ZMIZ2: variants seen among roughly 807,000 people sequenced by gnomAD.
The protein encoded by ZMIZ2 is zinc finger MIZ domain-containing protein 2.
Under a neutral mutation model 93.9 loss-of-function variants are expected in ZMIZ2, and 26 were observed. The ratio of observed to expected loss-of-function variants is 0.28; its 90% CI spans 0.20 to 0.38. The LOEUF is 0.38. Among genes scored for constraint, ZMIZ2 ranks in the 10% least tolerant of loss-of-function variants. The probability of loss-of-function intolerance (pLI) is 1.00; values close to 1 mark genes in which losing one functional copy is unlikely to be tolerated. For synonymous variants in ZMIZ2, 485 were observed against 516.4 expected, an observed-to-expected ratio of 0.94 and a Z score of 0.82; for missense variants, 1,023 against 1,235.0, an observed-to-expected ratio of 0.83 and a Z score of 2.57.
Position 44,751,612 on chromosome 7 carries a change from C to T in ZMIZ2, c.-63+2621C>T, listed in dbSNP as rs112153557. Among the ~76,000 whole-genome samples the T allele has an allele frequency of 2.0e-3, 298 of 152,340 alleles. 2 individuals carry two copies. The highest frequency in any genetic ancestry group is 6.6e-3 in the African/African-American group (275 of 41,582). On this transcript the variant is annotated intron_variant, in intron 1 of 18. Coordinates refer to ENST00000309315, the MANE Select transcript of ZMIZ2 (RefSeq NM_031449.4). ...GGGAAAGATTGTCACAGCAGTTCTG[C>T]GGAGACAGAAGGCTGGTGGTAGCAG... is the stretch of plus-strand genomic sequence containing the variant.
rs1445911781 is a variant in ZMIZ2, at chr7:44,761,979, G to A, written c.1596+74G>A. ...TGGTGGGGCCTGGCCCAGCGGTGCC[G>A]TGGGGTGGGGCGGGGTGTGGGCGGG... On this transcript the variant is annotated intron_variant, in intron 11 of 18. Coordinates refer to ENST00000309315, the MANE Select transcript of ZMIZ2 (RefSeq NM_031449.4). This position sits in a 1 kb window ranked among gnomAD's most constrained non-coding sequence, Gnocchi z 5.8. 12 of 1,404,094 alleles carry A rather than the reference G, an allele frequency of 8.5e-6. No homozygotes were observed. In the East Asian group the frequency reaches 1.1e-4, roughly 12 times the overall value. 87.0% of individuals were successfully genotyped at this position (1,404,094 alleles called of 1,614,324 possible). A position where few individuals can be genotyped will look rare whatever the true frequency, so the allele number is the denominator to read the frequency against.
Position 44,768,285 on chromosome 7 carries a change from G to A in ZMIZ2, c.*662G>A, listed in dbSNP as rs1203725995. The A allele has an allele frequency of 6.5e-6, 1 of 153,392 alleles. No homozygotes were observed. The highest frequency in any genetic ancestry group is 1.9e-4 in the East Asian group (1 of 5,204). The allele number at this position is 153,392 out of a possible 1,614,324, so 9.5% of individuals were successfully genotyped here. On this transcript the variant is annotated 3_prime_UTR_variant, in exon 19 of 19. Transcript: ENST00000309315. Reference sequence around the variant, plus strand: ...TGTAGAAACACTAACAGCTGGGAGAGGGGAGCCAGCTGTCCAGCCAGCATG... The same window carrying A: ...TGTAGAAACACTAACAGCTGGGAGAAGGGAGCCAGCTGTCCAGCCAGCATG...
chr7:44,764,628 C>A, intron 14 of ZMIZ2, 142 bp downstream of exon 14: 3 of 930,920 alleles, frequency 3.2e-6, no homozygotes, highest in Non-Finnish European at 4.9e-6. Context: ...CAGCTCAGCG[C>A]AGAGAGCTCG....
In ZMIZ2 at chr7:44,763,000, GC is replaced by G; in HGVS notation, c.1702+18del. On this transcript the variant is annotated intron_variant, in intron 12 of 18. Coordinates refer to ENST00000309315, the MANE Select transcript of ZMIZ2 (RefSeq NM_031449.4). ...GCATCACCAAGAGTGAGTGGCTCCTGCCCCTCAGCTGCCAGGCAGCCATCCC... is the reference window on the plus strand; with the variant it reads ...GCATCACCAAGAGTGAGTGGCTCCTGCCCTCAGCTGCCAGGCAGCCATCCC... The G allele has an allele frequency of 1.2e-6, 2 of 1,602,154 alleles. No individual in the cohort carries two copies.
intron 1 of ZMIZ2, among the ~76,000 whole-genome samples, chr7:44,755,546 C>A (rs1332324254): frequency 6.6e-6 from 1 of 152,172 alleles, no homozygotes; most frequent in African/African-American, 2.4e-5. Context: ...ACTGGCCCCA[C>A]ACCCCATTTC....
Position 44,765,192 on chromosome 7 carries a change from C to T in ZMIZ2, c.1998-143C>T. On this transcript the variant is annotated intron_variant, in intron 15 of 18. Transcript: ENST00000309315. The surrounding 1 kb of genome is among the most constrained non-coding windows in gnomAD (Gnocchi z 4.1). ...GAGTGTTGGTGCTGGGCCCAGCGTC[C>T]TGCTCGATGTGGAAGGTGCTGGGTG... 1 of 1,494,802 alleles carries T rather than the reference C, an allele frequency of 6.7e-7. No individual in the cohort carries two copies. The allele number at this position is 1,494,802 out of a possible 1,614,324, so 92.6% of individuals were successfully genotyped here.
Position 44,767,656 on chromosome 7 carries a change from G to A in ZMIZ2, c.*33G>A, listed in dbSNP as rs370949323. 2.5e-5 allele frequency: 40 copies of A among 1,570,150 alleles called. No homozygotes were observed. Among genetic ancestry groups the A allele is most frequent in the African/African-American group, 1.5e-4 (11 of 73,992 alleles). ...TTTACCCCAAGCCCGGCGGGGACAC[G>A]CTCACAGATGTCACCACAGCCCTGC... On this transcript the variant is annotated 3_prime_UTR_variant, in exon 19 of 19. Coordinates refer to ENST00000309315, the MANE Select transcript of ZMIZ2 (RefSeq NM_031449.4).
In ZMIZ2 at chr7:44,761,194, G is replaced by A. The variant is rs1791138559; in HGVS notation, c.1241-255G>A. On this transcript the variant is annotated intron_variant, in intron 9 of 18. Transcript: ENST00000309315. The surrounding 1 kb of genome is among the most constrained non-coding windows in gnomAD (Gnocchi z 5.8). The stretch of plus-strand genomic sequence containing the variant: ...CATGTTCCCCTATTATGGTTTAGGG[G>A]ACACTGGGCTGGACTGCTGAGGCAG... 6.6e-6 allele frequency among the ~76,000 whole-genome samples: 1 copy of A among 152,218 alleles called. No homozygotes were observed. The highest frequency in any genetic ancestry group is 1.5e-5 in the Non-Finnish European group (1 of 68,042).
chr7:44,767,110 AAGTT>A (rs984442514), intron 18 of ZMIZ2, among the ~76,000 whole-genome samples: 5 of 152,058 alleles, frequency 3.3e-5, no homozygotes, highest in African/African-American at 9.7e-5. Context: ...CAACATGAAA[AAGTT>A]AGGAAGAACA....
At chr7:44,760,892 A>ACAAGTCG (rs1791113063) in intron 9 of ZMIZ2, among the ~76,000 whole-genome samples, 1 of 150,906 alleles carries the variant, frequency 6.6e-6, no homozygotes, top group African/African-American at 2.4e-5. Flanking sequence ...CTTCTTAAAG[A>ACAAGTCG]CAAGTCGCTT....
At chr7:44,762,592 C>T (rs953985641) in intron 11 of ZMIZ2, among the ~76,000 whole-genome samples, 1 of 152,218 alleles carries the variant, frequency 6.6e-6, no homozygotes, top group Non-Finnish European at 1.5e-5. Context: ...TGATTCTCTT[C>T]ATGGAGAAGT....
rs1219604702 is a variant in ZMIZ2 at position 44,759,453 on chromosome 7, A to G, written c.986A>G (p.His329Arg). The G allele has an allele frequency of 6.5e-7, 1 of 1,539,056 alleles. No individual in the cohort carries two copies. Among genetic ancestry groups the G allele is most frequent in the African/African-American group, 1.4e-5 (1 of 71,334 alleles). The change falls in exon 7 of 19, where the codon CAT becomes CGT. Residue 329 changes from histidine to arginine, a missense_variant. His to Arg is a conservative substitution (Grantham distance 29, BLOSUM62 0). This residue lies in a region of ZMIZ2 where 656 missense variants were observed against 777.1 expected (regional missense o/e 0.84). Coordinates refer to ENST00000309315, the MANE Select transcript of ZMIZ2 (RefSeq NM_031449.4). ...TCCGTGCCTGGCCCCACGGGACTGC[A>G]TTATAAGGTAGGGCAGGCTCCTCCA... ...SLSVPGPTGLHYKPTEQFNGQ... is the reference protein window; with the variant it reads ...SLSVPGPTGLRYKPTEQFNGQ...
Position 44,760,113 on chromosome 7 carries a change from G to C in ZMIZ2, c.994-38G>C, listed in dbSNP as rs781428033. 13 of 1,613,202 alleles carry C rather than the reference G, an allele frequency of 8.1e-6. No individual in the cohort carries two copies. In the Admixed American group the frequency reaches 1.2e-4, roughly 14 times the overall value. On this transcript the variant is annotated intron_variant, in intron 7 of 18. Transcript: ENST00000309315. Reference sequence around the variant, plus strand: ...GTCCAGGGGGCCCGGCAGGGGTCAGGTTGGAGCCCCAGGTGCATGCAGTTT... The same window carrying C: ...GTCCAGGGGGCCCGGCAGGGGTCAGCTTGGAGCCCCAGGTGCATGCAGTTT...
At chr7:44,750,735 C>G (rs528115124) in intron 1 of ZMIZ2, among the ~76,000 whole-genome samples, 1 of 152,140 alleles carries the variant, frequency 6.6e-6, no homozygotes, top group Non-Finnish European at 1.5e-5. Flanking sequence ...ATCTGACCCC[C>G]GAGAAAGCCT....
rs556126641 is a variant in ZMIZ2, at chr7:44,759,890, A to C, written c.994-261A>C. Reference sequence around the variant, plus strand: ...CATGGGCAGAGCCTACCTCCCTGGGAGCCTGGGTGCGCCGGGTGGTGCAGC... The same window carrying C: ...CATGGGCAGAGCCTACCTCCCTGGGCGCCTGGGTGCGCCGGGTGGTGCAGC... On this transcript the variant is annotated intron_variant, in intron 7 of 18. Transcript: ENST00000309315. 356 of 541,824 alleles carry C rather than the reference A, an allele frequency of 6.6e-4. 1 individual carries two copies. The highest frequency in any genetic ancestry group is 6.3e-3 in the African/African-American group (324 of 51,358). The allele number at this position is 541,824 out of a possible 1,614,324, so 33.6% of individuals were successfully genotyped here. A position where few individuals can be genotyped will look rare whatever the true frequency, so the allele number is the denominator to read the frequency against.
rs778636937 is a variant in ZMIZ2, at chr7:44,766,354, C to T, written c.2412+21C>T. 1 of 1,604,918 alleles carries T rather than the reference C, an allele frequency of 6.2e-7. No individual in the cohort carries two copies. The highest frequency in any genetic ancestry group is 8.5e-7 in the Non-Finnish European group (1 of 1,174,310). On this transcript the variant is annotated intron_variant, in intron 17 of 18. Coordinates refer to ENST00000309315, the MANE Select transcript of ZMIZ2 (RefSeq NM_031449.4). The surrounding 1 kb of genome is among the most constrained non-coding windows in gnomAD (Gnocchi z 4.4). ...GCCAGGTCAGTGCCAAGCCGAGAGG[C>T]CAAGGGGCCCTGTCTCCCCAGGGGA... is the stretch of plus-strand genomic sequence containing the variant.
Position 44,761,860 on chromosome 7 carries a change from G to A in ZMIZ2, c.1551G>A (p.Gln517=), listed in dbSNP as rs1791216182. The A allele has an allele frequency of 6.2e-7, 1 of 1,613,946 alleles. No homozygotes were observed. Among genetic ancestry groups the A allele is most frequent in the East Asian group, 2.2e-5 (1 of 44,886 alleles). ...HKPLYLKHVC[Q]PGRNTIQITV... is the part of the protein sequence containing the mutation. ...CACTCTACCTGAAGCATGTGTGCCA[G>A]CCAGGCCGCAACACCATCCAGATCA... is the stretch of plus-strand genomic sequence containing the variant. Residue 517 remains glutamine, a synonymous_variant, in exon 11 of 19, where the codon CAG becomes CAA. Coordinates refer to ENST00000309315, the MANE Select transcript of ZMIZ2 (RefSeq NM_031449.4). The surrounding 1 kb of genome is among the most constrained non-coding windows in gnomAD (Gnocchi z 5.8).
intron 1 of ZMIZ2, chr7:44,750,945 C>CAA (rs1288667108): frequency 2.0e-5 from 3 of 152,194 alleles, no homozygotes; most frequent in Non-Finnish European, 4.4e-5. Context: ...TGCACACACA[C>CAA]AACGCAGAAC....
chr7:44,752,115 T>A (rs1790206350), intron 1 of ZMIZ2, among the ~76,000 whole-genome samples: 1 of 151,986 alleles, frequency 6.6e-6, no homozygotes, highest in South Asian at 2.1e-4. Flanking sequence ...AGTAAAGAGG[T>A]TACAGCCTGT....
Sources: allele counts gnomAD v4.1 joint callset (sites outside exome capture counted in the v4.1 genomes callset), GRCh38; gene constraint gnomAD v4.1.1; regional missense constraint gnomAD v4.1.1; non-coding constraint Gnocchi (gnomAD v3.1); transcripts MANE v1.5; gene names NCBI Gene and HGNC (gene_info 2026-07-23, HGNC 2026-07-21).